Variants in PDE4D observed in about 807,000 individuals in gnomAD.
PDE4D encodes the protein phosphodiesterase 4D.
In PDE4D, 24 loss-of-function variants were observed where a neutral mutation model predicts 87.4. The ratio of observed to expected loss-of-function variants is 0.27; its 90% confidence interval spans 0.20 to 0.39. The LOEUF is 0.39. PDE4D is among the 10% of genes least tolerant of loss of function. PDE4D has a pLI of 1.00. For synonymous variants in PDE4D, 384 were observed against 383.2 expected (o/e 1.00, Z -0.02); for missense variants, 714 against 1,041.0 (o/e 0.69, Z 4.32).
intron 5 of PDE4D, among the ~76,000 whole-genome samples, chr5:59,127,288 C>T (rs1308019114): frequency 6.6e-6 from 1 of 152,186 alleles, no homozygotes; most frequent in Non-Finnish European, 1.5e-5. Flanking sequence ...ACATTTAAAG[C>T]ATATCAGTTT....
chr5:59,358,630 G>C (rs192227493), intron 1 of PDE4D, among the ~76,000 whole-genome samples: 1 of 152,140 alleles, frequency 6.6e-6, no homozygotes, highest in East Asian at 1.9e-4. Context: ...TTATTAGAAT[G>C]TCTTCATCTG....
chr5:58,978,260 A>AC (rs1744280096), intron 11 of PDE4D, among the ~76,000 whole-genome samples: 1 of 108,880 alleles, frequency 9.2e-6, no homozygotes, highest in South Asian at 2.7e-4. Flanking sequence ...ACAAATAATA[A>AC]AAAATTATCT....
intron 1 of PDE4D, among the ~76,000 whole-genome samples, chr5:60,199,703 T>C (rs1357644677): frequency 6.6e-6 from 1 of 151,700 alleles, no homozygotes; most frequent in African/African-American, 2.4e-5. Flanking sequence ...ATTTAATATC[T>C]GAAGTAGAAG....
chr5:59,800,424 G>A (rs1766985706), intron 1 of PDE4D, among the ~76,000 whole-genome samples: 2 of 152,156 alleles, frequency 1.3e-5, no homozygotes, highest in Admixed American at 6.5e-5. Flanking sequence ...TGTGTATCAA[G>A]TGCTGCTATT....
At chr5:59,529,036 A>G (rs920990810) in intron 1 of PDE4D, 2 of 470,236 alleles carry the variant, frequency 4.3e-6, no homozygotes, top group Non-Finnish European at 4.3e-6. Context: ...CTAACCACCA[A>G]GGGCTCATCG....
chr5:59,785,862 C>G (rs1020379035), intron 1 of PDE4D, among the ~76,000 whole-genome samples: 3 of 152,120 alleles, frequency 2.0e-5, no homozygotes, highest in Admixed American at 1.3e-4. Flanking sequence ...GCAACTCCTG[C>G]ATTTGTTGCC....
chr5:59,680,934 T>G (rs1045897695), intron 1 of PDE4D, among the ~76,000 whole-genome samples: 1 of 152,128 alleles, frequency 6.6e-6, no homozygotes, highest in Non-Finnish European at 1.5e-5. Context: ...AATATACCCA[T>G]GGATATAGGT....
chr5:60,202,311 G>A (rs1451967369), intron 1 of PDE4D, among the ~76,000 whole-genome samples: 1 of 151,946 alleles, frequency 6.6e-6, no homozygotes, highest in Non-Finnish European at 1.5e-5. Context: ...TACAGGTGCA[G>A]GCCACCATAC....
intron 1 of PDE4D, among the ~76,000 whole-genome samples, chr5:60,224,685 A>G (rs1744881437): frequency 6.6e-6 from 1 of 152,134 alleles, no homozygotes; most frequent in Non-Finnish European, 1.5e-5. Flanking sequence ...AATCTAAGTG[A>G]AAGCTGCAAA....
chr5:60,137,758 C>A (rs1305906252), intron 2 of PDE4D, among the ~76,000 whole-genome samples: 1 of 152,044 alleles, frequency 6.6e-6, no homozygotes, highest in Non-Finnish European at 1.5e-5. Flanking sequence ...TTAATATTTT[C>A]TTTTCCTGTG....
At chr5:59,456,733 T>C (rs1184012316) in intron 1 of PDE4D, among the ~76,000 whole-genome samples, 2 of 152,124 alleles carry the variant, frequency 1.3e-5, no homozygotes, top group African/African-American at 4.8e-5. Context: ...TCATGATTCA[T>C]GGGAGGAGGT....
chr5:60,065,342 T>A (rs1771933652), intron 2 of PDE4D, among the ~76,000 whole-genome samples: 1 of 151,980 alleles, frequency 6.6e-6, no homozygotes, highest in African/African-American at 2.4e-5. Context: ...ATTTTATGTA[T>A]AAAATTTATG....
rs370187955 is a variant in PDE4D at position 59,159,995 on chromosome 5, A to C, written c.808+20600T>G. Among the ~76,000 whole-genome samples the C allele has an allele frequency of 1.2e-3, 188 of 152,336 alleles. 5 individuals are homozygous for C. The highest frequency in any genetic ancestry group is 4.4e-3 in the African/African-American group (184 of 41,586). ...GCTCCTAAGTGCATTTGTGAATGAC[A>C]GGGAAGTACAAAAGCAGATGTTCAT... On this transcript the variant is annotated intron_variant, in intron 5 of 14. Coordinates refer to ENST00000340635, the MANE Select transcript of PDE4D (RefSeq NM_001104631.2).
chr5:59,513,442 A>C (rs1158645608), intron 1 of PDE4D, among the ~76,000 whole-genome samples: 2 of 152,204 alleles, frequency 1.3e-5, no homozygotes, highest in African/African-American at 4.8e-5. Flanking sequence ...TTAATGAGAA[A>C]ACATTGTAAG....
chr5:60,374,996 A>G, intron 1 of PDE4D, among the ~76,000 whole-genome samples: 1 of 152,180 alleles, frequency 6.6e-6, no homozygotes, highest in East Asian at 1.9e-4. Context: ...TTCTTAAGTC[A>G]TAGACAAAGT....
chr5:59,393,854 CA>C (rs1788743530), intron 1 of PDE4D, among the ~76,000 whole-genome samples: 1 of 152,070 alleles, frequency 6.6e-6, no homozygotes, highest in Non-Finnish European at 1.5e-5. Context: ...ATGAATAAAA[CA>C]AAAGTTTTAG....
chr5:59,756,359 A>C (rs1449032393), intron 1 of PDE4D, among the ~76,000 whole-genome samples: 2 of 152,182 alleles, frequency 1.3e-5, no homozygotes, highest in African/African-American at 4.8e-5. Flanking sequence ...TTTTTCAGAA[A>C]TATAACAGGC....
intron 1 of PDE4D, among the ~76,000 whole-genome samples, chr5:59,837,532 G>A (rs1742319285): frequency 6.6e-6 from 1 of 152,024 alleles, no homozygotes; most frequent in African/African-American, 2.4e-5. Context: ...CTGGGAAAGT[G>A]TTTATTATAT....
chr5:59,015,111 C>G (rs1753709055), intron 6 of PDE4D, among the ~76,000 whole-genome samples: 1 of 152,120 alleles, frequency 6.6e-6, no homozygotes, highest in Admixed American at 6.5e-5. Context: ...ACACTTTATA[C>G]AAAAATTAAT....
Sources: allele counts gnomAD v4.1 joint callset (sites outside exome capture counted in the v4.1 genomes callset), GRCh38; gene constraint gnomAD v4.1.1; transcripts MANE v1.5; gene names NCBI Gene and HGNC (gene_info 2026-07-23, HGNC 2026-07-21).